COL19A1: variants seen among roughly 807,000 people sequenced by gnomAD.
COL19A1 encodes the protein collagen type XIX alpha 1 chain.
In COL19A1, 159 loss-of-function variants were observed where a neutral mutation model predicts 190.2. The observed-to-expected ratio is 0.84, with a 90% CI of 0.73 to 0.95. COL19A1 has a LOEUF of 0.95. Among genes scored for constraint, COL19A1 ranks in the 40% least tolerant of loss-of-function variants. The pLI, the probability that COL19A1 is intolerant of heterozygous loss-of-function variation, is 0.00. For synonymous variants in COL19A1, 509 were observed against 458.9 expected, an observed-to-expected ratio of 1.11 and a Z score of -1.39; for missense variants, 1,418 against 1,431.9, an observed-to-expected ratio of 0.99 and a Z score of 0.16.
intron 27 of COL19A1, among the ~76,000 whole-genome samples, chr6:70,147,485 G>A (rs1212154659): frequency 6.6e-6 from 1 of 151,988 alleles, no homozygotes; most frequent in Non-Finnish European, 1.5e-5. Context: ...TATTTACTAT[G>A]GAAAGACATA....
chr6:70,124,078 G>T (rs935629284), intron 17 of COL19A1, among the ~76,000 whole-genome samples: 1 of 150,992 alleles, frequency 6.6e-6, no homozygotes, highest in African/African-American at 2.4e-5. Context: ...TGGAACTGGA[G>T]ATCATTAAAA....
At chr6:70,138,111 CT>C (rs1785985472) in intron 19 of COL19A1, among the ~76,000 whole-genome samples, 1 of 152,162 alleles carries the variant, frequency 6.6e-6, no homozygotes, top group Non-Finnish European at 1.5e-5. Context: ...CAAAGCTCCT[CT>C]GGTATAACTA....
intron 4 of COL19A1, among the ~76,000 whole-genome samples, chr6:69,921,450 A>ATT (rs368825990): frequency 1.1e-4 from 3 of 26,106 alleles, no homozygotes; most frequent in African/African-American, 3.7e-4. Flanking sequence ...TATATCATAT[A>ATT]TCATATATAT....
intron 14 of COL19A1, among the ~76,000 whole-genome samples, chr6:70,049,203 A>G (rs900500055): frequency 6.6e-6 from 1 of 151,988 alleles, no homozygotes; most frequent in East Asian, 1.9e-4. Context: ...TATTTAATTC[A>G]TTGTTAGTTT....
chr6:70,101,083 C>G (rs1005688631), intron 15 of COL19A1, among the ~76,000 whole-genome samples: 1 of 152,128 alleles, frequency 6.6e-6, no homozygotes, highest in Non-Finnish European at 1.5e-5. Context: ...ATAAAATGGG[C>G]CTTTCTGTGC....
chr6:70,053,930 T>A (rs1691628044), intron 14 of COL19A1, among the ~76,000 whole-genome samples: 1 of 152,200 alleles, frequency 6.6e-6, no homozygotes, highest in Non-Finnish European at 1.5e-5. Context: ...ACTATAAATA[T>A]TTAAGGATCC....
intron 12 of COL19A1, among the ~76,000 whole-genome samples, chr6:70,033,956 A>G (rs1779208593): frequency 6.6e-6 from 1 of 152,166 alleles, no homozygotes; most frequent in African/African-American, 2.4e-5. Context: ...AAAAGCTCAT[A>G]TAGATCTAAA....
At chr6:70,168,773 A>G in intron 40 of COL19A1, 92 bp downstream of exon 40, 1 of 1,346,084 alleles carries the variant, frequency 7.4e-7, no homozygotes. Flanking sequence ...CTGCCTTCTT[A>G]GGTGTTCATC....
At chr6:69,993,190 C>A (rs1369508100) in intron 11 of COL19A1, among the ~76,000 whole-genome samples, 2 of 151,898 alleles carry the variant, frequency 1.3e-5, no homozygotes, top group Admixed American at 6.6e-5. Flanking sequence ...TTATTATAAG[C>A]CTTTCCTTCA....
At chr6:70,023,131 C>CTTTTTTTTTTTTT (rs1419955153) in intron 11 of COL19A1, among the ~76,000 whole-genome samples, 2 of 142,230 alleles carry the variant, frequency 1.4e-5, no homozygotes, top group African/African-American at 2.7e-5. Flanking sequence ...TTTTATGCAG[C>CTTTTTTTTTTTTT]TATTTTTTTT....
rs568034957 is a variant in COL19A1, at chr6:70,211,234, A to C, written c.*3960A>C. ...ACAATTAGAAACACTGTTTTTTTTAAGTACCGTTTTTATTTTCATAACACT... is the reference window on the plus strand; with the variant it reads ...ACAATTAGAAACACTGTTTTTTTTACGTACCGTTTTTATTTTCATAACACT... On this transcript the variant is annotated 3_prime_UTR_variant, in exon 51 of 51. Coordinates refer to ENST00000620364, the MANE Select transcript of COL19A1 (RefSeq NM_001858.6). Among the ~76,000 whole-genome samples the C allele has an allele frequency of 1.3e-5, 2 of 152,184 alleles. No individual in the cohort carries two copies. Among genetic ancestry groups the C allele is most frequent in the Non-Finnish European group, 2.9e-5 (2 of 67,976 alleles).
chr6:70,181,066 C>T (rs1294845724), intron 44 of COL19A1, among the ~76,000 whole-genome samples: 1 of 152,264 alleles, frequency 6.6e-6, no homozygotes, highest in African/African-American at 2.4e-5. Context: ...AATCCAGTTC[C>T]ACATAAATTC....
intron 11 of COL19A1, among the ~76,000 whole-genome samples, chr6:70,019,524 A>G (rs2150101391): frequency 6.6e-6 from 1 of 152,254 alleles, no homozygotes; most frequent in East Asian, 1.9e-4. Flanking sequence ...ATGACAAGAC[A>G]TTGCAGTTTT....
At chr6:70,179,845 C>T (rs533070395) in intron 42 of COL19A1, among the ~76,000 whole-genome samples, 1 of 152,050 alleles carries the variant, frequency 6.6e-6, no homozygotes, top group Non-Finnish European at 1.5e-5. Flanking sequence ...ACTATATGTT[C>T]CCCAGTCTCT....
intron 31 of COL19A1, among the ~76,000 whole-genome samples, chr6:70,154,128 G>C (rs187189631): frequency 0.044 from 5,305 of 121,182 alleles, 137 homozygotes; most frequent in Non-Finnish European, 0.063. Flanking sequence ...CCCCCCACAG[G>C]CCCCAGTGTG....
intron 11 of COL19A1, among the ~76,000 whole-genome samples, chr6:70,002,334 G>A (rs372351327): frequency 6.6e-6 from 1 of 151,908 alleles, no homozygotes; most frequent in Admixed American, 6.6e-5. Context: ...TTCTTTTTTT[G>A]TTGTTGTGTC....
intron 15 of COL19A1, among the ~76,000 whole-genome samples, chr6:70,071,974 A>G (rs896193461): frequency 2.0e-5 from 3 of 152,100 alleles, no homozygotes; most frequent in Non-Finnish European, 2.9e-5. Context: ...GGCACTGGAA[A>G]CAAAAATCTC....
intron 4 of COL19A1, among the ~76,000 whole-genome samples, chr6:69,910,335 G>A (rs1265088913): frequency 6.6e-6 from 1 of 152,082 alleles, no homozygotes; most frequent in Non-Finnish European, 1.5e-5. Context: ...CTGTGATGTA[G>A]TACTTTATCA....
At chr6:69,922,498 T>TTG (rs1491062435) in intron 4 of COL19A1, among the ~76,000 whole-genome samples, 1 of 107,534 alleles carries the variant, frequency 9.3e-6, no homozygotes, top group African/African-American at 3.4e-5. Flanking sequence ...TTTTTTTTTT[T>TTG]GATATGGAGT....
Sources: gnomAD v4.1 joint callset for allele counts (sites outside exome capture counted in the v4.1 genomes callset) on GRCh38, gnomAD v4.1.1 for gene constraint, MANE v1.5 for transcripts, NCBI Gene and HGNC (gene_info 2026-07-23, HGNC 2026-07-21) for gene names.